TAX1BP3: variants seen among roughly 807,000 people sequenced by gnomAD.
The protein encoded by TAX1BP3 is tax1-binding protein 3.
In TAX1BP3, 13 loss-of-function variants were observed where a neutral mutation model predicts 15.3. The ratio of observed to expected loss-of-function variants is 0.85; its 90% CI spans 0.55 to 1.35. TAX1BP3 has a LOEUF of 1.35. Among genes scored for constraint, TAX1BP3 ranks in the 40% most tolerant of loss-of-function variants. TAX1BP3 has a pLI of 0.00. For synonymous variants in TAX1BP3, 70 were observed against 66.0 expected (o/e 1.06, Z -0.30); for missense variants, 147 against 169.6 (o/e 0.87, Z 0.74).
intron 3 of TAX1BP3, 29 bp downstream of exon 3, chr17:3,664,166 T>G: frequency 6.2e-7 from 1 of 1,613,772 alleles, no homozygotes; most frequent in Non-Finnish European, 8.5e-7. Flanking sequence ...GCCCAAACCT[T>G]GTTTCTCCTC....
chr17:3,665,159 A>G lies in TAX1BP3; in HGVS notation c.40-361T>C, dbSNP rs1567721694. The G allele has an allele frequency of 1.7e-5, 14 of 844,644 alleles. No homozygotes were observed. In the East Asian group the frequency reaches 3.2e-4, roughly 19 times the overall value. 52.3% of individuals were successfully genotyped at this position (844,644 alleles called of 1,614,324 possible). A position where few individuals can be genotyped will look rare whatever the true frequency, so the allele number is the denominator to read the frequency against. ...GGAAAAGCAGAGATCAAACTTGCAT[A>G]GAAAGGAGAGGAAGGGGTTTCCTTT... is the stretch of plus-strand genomic sequence containing the variant. On this transcript the variant is annotated intron_variant, in intron 1 of 3. Transcript: ENST00000225525.
At position 3,664,215 on chromosome 17, in the gene TAX1BP3, T is replaced by C. The variant is rs755115195; in HGVS notation, c.217A>G (p.Ile73Val). 2 of 1,613,980 alleles carry C rather than the reference T, an allele frequency of 1.2e-6. No homozygotes were observed. The highest frequency in any genetic ancestry group is 1.7e-6 in the Non-Finnish European group (2 of 1,180,030). ...GGPAEIAGLQ[I>V]GDKIMQVNGW... is the part of the protein sequence containing the mutation. The stretch of plus-strand genomic sequence containing the variant: ...GTTACCTGCATGATCTTGTCTCCAA[T>C]CTGCAGCCCAGCGATTTCAGCAGGG... The change falls in exon 3 of 4, where the codon ATT becomes GTT. Residue 73 changes from isoleucine to valine, a missense_variant. Coordinates refer to ENST00000225525, the MANE Select transcript of TAX1BP3 (RefSeq NM_014604.4).
intron 1 of TAX1BP3, chr17:3,665,154 T>G: frequency 1.2e-6 from 1 of 828,566 alleles, no homozygotes; most frequent in Non-Finnish European, 2.1e-6. Flanking sequence ...AGATCAAACT[T>G]GCATAGAAAG....
intron 1 of TAX1BP3, among the ~76,000 whole-genome samples, chr17:3,667,568 G>A (rs1331673785): frequency 6.6e-6 from 1 of 152,184 alleles, no homozygotes; most frequent in Non-Finnish European, 1.5e-5. Flanking sequence ...ATGGCTCCAG[G>A]GCGGGGACTT....
rs1365751816 is a variant in TAX1BP3, at chr17:3,664,800, T to C, written c.40-2A>G. 1 of 1,612,220 alleles carries C rather than the reference T, an allele frequency of 6.2e-7. No homozygotes were observed. Among genetic ancestry groups the C allele is most frequent in the East Asian group, 2.2e-5 (1 of 44,878 alleles). ...CAGCTTGTGAATTTCAACTCTTTGCTGGCAAAGAAAAAAGCCAGTTGAGAG... is the reference window on the plus strand; with the variant it reads ...CAGCTTGTGAATTTCAACTCTTTGCCGGCAAAGAAAAAAGCCAGTTGAGAG... On this transcript the variant is annotated splice_acceptor_variant, in intron 1 of 3. Transcript: ENST00000225525. LOFTEE classifies it high-confidence loss of function.
At position 3,664,633 on chromosome 17, in the gene TAX1BP3, G is replaced by A. The variant is rs200483382; in HGVS notation, c.159+46C>T. The A allele has an allele frequency of 3.4e-3, 5,493 of 1,609,912 alleles. 14 individuals carry two copies. The highest frequency in any genetic ancestry group is 4.4e-3 in the Non-Finnish European group (5,132 of 1,176,784). Reference sequence around the variant, plus strand: ...AGGAAGCAGAGACCCACCATCTCAGGCCCCTGTGCCCCATGGAGCGGTCCC... The same window carrying A: ...AGGAAGCAGAGACCCACCATCTCAGACCCCTGTGCCCCATGGAGCGGTCCC... On this transcript the variant is annotated intron_variant, in intron 2 of 3. Coordinates refer to ENST00000225525, the MANE Select transcript of TAX1BP3 (RefSeq NM_014604.4).
In TAX1BP3 at chr17:3,668,420, T is replaced by TGTCCGTTTCCCGCTCTGCGAGGTGGG; in HGVS notation, c.39+42_39+67dup. ...CGATGCTCTGTCAACCTGCTTGGGGTGTCCGTTTCCCGCTCTGCGAGGTGG... is the reference window on the plus strand; with the variant it reads ...CGATGCTCTGTCAACCTGCTTGGGGTGTCCGTTTCCCGCTCTGCGAGGTGGGGTCCGTTTCCCGCTCTGCGAGGTGG... On this transcript the variant is annotated intron_variant, in intron 1 of 3. Transcript: ENST00000225525. This position sits in a 1 kb window ranked among gnomAD's most constrained non-coding sequence, Gnocchi z 4.1. 6.4e-7 allele frequency: 1 copy of TGTCCGTTTCCCGCTCTGCGAGGTGGG among 1,574,516 alleles called. No individual in the cohort carries two copies. The highest frequency in any genetic ancestry group is 8.6e-7 in the Non-Finnish European group (1 of 1,157,612).
At position 3,663,778 on chromosome 17, in the gene TAX1BP3, C is replaced by T. The variant is rs1377490827; in HGVS notation, c.345G>A (p.Gln115=). 2 of 1,605,446 alleles carry T rather than the reference C, an allele frequency of 1.2e-6. No individual in the cohort carries two copies. The highest frequency in any genetic ancestry group is 2.7e-5 in the African/African-American group (2 of 75,026). Residue 115 remains glutamine, a synonymous_variant, in exon 4 of 4, where the codon CAG becomes CAA. Transcript: ENST00000225525. ...VRLLVTRQSL[Q]KAVQQSMLS ...ACAGCATGGACTGCTGCACGGCCTT[C>T]TGCAGCGACTGCCGCGTCACCAGCA...
Position 3,663,579 on chromosome 17 carries a change from A to C in TAX1BP3, c.*169T>G. 1 of 1,022,078 alleles carries C rather than the reference A, an allele frequency of 9.8e-7. No homozygotes were observed. The highest frequency in any genetic ancestry group is 2.3e-5 in the South Asian group (1 of 43,750). 63.3% of individuals were successfully genotyped at this position (1,022,078 alleles called of 1,614,324 possible). ...AGAGAAAGCCGGTCCCAGAGGCCCCAGGCCAGGGATGGGAGAAGGGAAGGA... is the reference window on the plus strand; with the variant it reads ...AGAGAAAGCCGGTCCCAGAGGCCCCCGGCCAGGGATGGGAGAAGGGAAGGA... On this transcript the variant is annotated 3_prime_UTR_variant, in exon 4 of 4. Coordinates refer to ENST00000225525, the MANE Select transcript of TAX1BP3 (RefSeq NM_014604.4).
intron 3 of TAX1BP3, 149 bp from the exon 4 acceptor site, chr17:3,664,034 C>T (rs963677593): frequency 3.5e-6 from 5 of 1,446,282 alleles, no homozygotes; most frequent in Non-Finnish European, 3.7e-6. Flanking sequence ...CTGAGACACA[C>T]AGGAGAGAAA....
chr17:3,664,535 C>T (rs1378930918), intron 2 of TAX1BP3, 144 bp downstream of exon 2: 2 of 1,229,298 alleles, frequency 1.6e-6, no homozygotes, highest in Non-Finnish European at 2.3e-6. Context: ...TCCTTATTCT[C>T]ACTAGGTCAC....
At chr17:3,665,493 C>T (rs1170575505) in intron 1 of TAX1BP3, 21 of 1,338,202 alleles carry the variant, frequency 1.6e-5, no homozygotes, top group Non-Finnish European at 1.9e-5. Flanking sequence ...AATTAATGTG[C>T]GTATTGAGCA....
At position 3,663,699 on chromosome 17, in the gene TAX1BP3, G is replaced by A. The variant is rs185656029; in HGVS notation, c.*49C>T. The A allele has an allele frequency of 7.0e-4, 1,106 of 1,569,556 alleles. 18 individuals carry two copies. In the South Asian group the frequency reaches 0.01, roughly 15 times the overall value. ...GATGGGGACAGAGTGTGGAAGTGGC[G>A]TTACTGTACAGAGAGGCGGCAGGCA... On this transcript the variant is annotated 3_prime_UTR_variant, in exon 4 of 4. Transcript: ENST00000225525.
At chr17:3,667,846 C>A (rs1170854489) in intron 1 of TAX1BP3, among the ~76,000 whole-genome samples, 1 of 152,236 alleles carries the variant, frequency 6.6e-6, no homozygotes, top group Non-Finnish European at 1.5e-5. Flanking sequence ...CCTAGGCTAG[C>A]CCCCGGAGGG....
At chr17:3,666,584 C>G (rs2076341238) in intron 1 of TAX1BP3, among the ~76,000 whole-genome samples, 1 of 152,072 alleles carries the variant, frequency 6.6e-6, no homozygotes, top group African/African-American at 2.4e-5. Context: ...AGCCAGGGTT[C>G]AGAAGAATGG....
intron 1 of TAX1BP3, among the ~76,000 whole-genome samples, chr17:3,667,311 C>T (rs2076351547): frequency 6.6e-6 from 1 of 150,456 alleles, no homozygotes; most frequent in African/African-American, 2.5e-5. Flanking sequence ...CCACTGTACT[C>T]CAGCCTGGGC....
chr17:3,665,794 G>C, intron 1 of TAX1BP3: 2 of 644,464 alleles, frequency 3.1e-6, no homozygotes, highest in Non-Finnish European at 2.7e-6. Context: ...TGCCGGCCAC[G>C]GGGACCAGCG....
Position 3,663,508 on chromosome 17 carries a change from CTACT to C in TAX1BP3, c.*236_*239del, listed in dbSNP as rs1437608354. On this transcript the variant is annotated 3_prime_UTR_variant, in exon 4 of 4. Transcript: ENST00000225525. The stretch of plus-strand genomic sequence containing the variant: ...TGAGCCTGTGGTCACAGCAGACTGG[CTACT>C]ACTCAGCTCCAGGCCCTTATTTCCA... 1.0e-5 allele frequency: 5 copies of C among 484,508 alleles called. No individual in the cohort carries two copies. The highest frequency in any genetic ancestry group is 1.7e-5 in the Non-Finnish European group (5 of 288,818). 30.0% of individuals were successfully genotyped at this position (484,508 alleles called of 1,614,324 possible).
chr17:3,665,039 G>C (rs1335787369), intron 1 of TAX1BP3, among the ~76,000 whole-genome samples: 1 of 152,204 alleles, frequency 6.6e-6, no homozygotes, highest in Admixed American at 6.5e-5. Flanking sequence ...TTAGGCACTA[G>C]TCTTGGTCAA....
Sources: gnomAD v4.1 joint callset for allele counts (sites outside exome capture counted in the v4.1 genomes callset) on GRCh38, gnomAD v4.1.1 for gene constraint, Gnocchi (gnomAD v3.1) non-coding constraint, MANE v1.5 for transcripts, NCBI Gene and HGNC (gene_info 2026-07-23, HGNC 2026-07-21) for gene names.